The following ENTREP2 variants were observed in gnomAD, a reference collection of about 807,000 sequenced individuals.
The protein encoded by ENTREP2 is protein ENTREP2.
At chr15:29,144,572 A>G in the ENTREP2 span, among the ~76,000 whole-genome samples, 5 of 152,116 alleles carry the variant, frequency 3.3e-5, no homozygotes, top group Admixed American at 6.6e-5. Flanking sequence ...CTACAAAAAA[A>G]TTAAAAAATT....
At chr15:29,559,410 G>A in the ENTREP2 span, among the ~76,000 whole-genome samples, 11 of 152,102 alleles carry the variant, frequency 7.2e-5, no homozygotes, top group Non-Finnish European at 1.2e-4. Context: ...TGTGTCCCCA[G>A]AATGCCTCAG....
At chr15:29,544,812 T>A in the ENTREP2 span, among the ~76,000 whole-genome samples, 1 of 152,108 alleles carries the variant, frequency 6.6e-6, no homozygotes, top group Non-Finnish European at 1.5e-5. Context: ...AGAAGCAATG[T>A]CAAAAGAAAT....
At chr15:29,144,934 T>C in the ENTREP2 span, among the ~76,000 whole-genome samples, 1 of 152,190 alleles carries the variant, frequency 6.6e-6, no homozygotes, top group East Asian at 1.9e-4. Flanking sequence ...CATACATCTG[T>C]AATCCCAGCT....
chr15:29,328,115 G>A, the ENTREP2 span, among the ~76,000 whole-genome samples: 1 of 152,114 alleles, frequency 6.6e-6, no homozygotes, highest in Non-Finnish European at 1.5e-5. Flanking sequence ...AATAAATGAA[G>A]AATCCAGCCA....
At chr15:29,671,428 C>T in the ENTREP2 span, among the ~76,000 whole-genome samples, 1 of 152,146 alleles carries the variant, frequency 6.6e-6, no homozygotes, top group Admixed American at 6.6e-5. Context: ...TTGGGACTGG[C>T]GTCTGCGGTG....
At chr15:29,458,456 G>A in the ENTREP2 span, among the ~76,000 whole-genome samples, 5 of 152,030 alleles carry the variant, frequency 3.3e-5, no homozygotes, top group Non-Finnish European at 5.9e-5. Context: ...GCAGAGCCAC[G>A]GGCACGGTAG....
At chr15:29,447,668 T>TC in the ENTREP2 span, among the ~76,000 whole-genome samples, 1 of 151,364 alleles carries the variant, frequency 6.6e-6, no homozygotes, top group Non-Finnish European at 1.5e-5. Flanking sequence ...TTTTTTTTTT[T>TC]CGTAGAGATG....
the ENTREP2 span, among the ~76,000 whole-genome samples, chr15:29,655,551 G>A: frequency 6.6e-6 from 1 of 152,264 alleles, no homozygotes; most frequent in Non-Finnish European, 1.5e-5. Flanking sequence ...AATCAAGAGA[G>A]CCAGACTTAG....
chr15:29,648,536 G>C, the ENTREP2 span, among the ~76,000 whole-genome samples: 1 of 152,206 alleles, frequency 6.6e-6, no homozygotes, highest in African/African-American at 2.4e-5. Context: ...ACATGAAGTC[G>C]AGTATTTCCA....
chr15:29,165,745 A>G, the ENTREP2 span, among the ~76,000 whole-genome samples: 1 of 152,010 alleles, frequency 6.6e-6, no homozygotes, highest in Non-Finnish European at 1.5e-5. Flanking sequence ...AGACTTTCTA[A>G]GAAGAATTGG....
the ENTREP2 span, chr15:29,374,139 A>G: frequency 6.6e-6 from 1 of 152,182 alleles, no homozygotes; most frequent in Non-Finnish European, 1.5e-5. Flanking sequence ...ATTAAAAAAA[A>G]GAAATCTCAC....
chr15:29,635,251 C>A, the ENTREP2 span, among the ~76,000 whole-genome samples: 1 of 152,150 alleles, frequency 6.6e-6, no homozygotes, highest in Non-Finnish European at 1.5e-5. Flanking sequence ...CCCTCTAATC[C>A]TGCCTAGGTG....
the ENTREP2 span, among the ~76,000 whole-genome samples, chr15:29,468,524 C>T: frequency 4.0e-5 from 6 of 150,900 alleles, no homozygotes; most frequent in Non-Finnish European, 2.9e-5. Context: ...GCAGGCGAAT[C>T]GCTTGAACCC....
chr15:29,306,003 A>G, the ENTREP2 span, among the ~76,000 whole-genome samples: 13 of 152,256 alleles, frequency 8.5e-5, no homozygotes, highest in African/African-American at 2.9e-4. Flanking sequence ...ACTGGAAGCC[A>G]CATGGAGCAT....
At chr15:29,158,423 T>G in the ENTREP2 span, among the ~76,000 whole-genome samples, 25 of 74,916 alleles carry the variant, frequency 3.3e-4, no homozygotes, top group Non-Finnish European at 4.8e-4. Flanking sequence ...TTTTTTTTTT[T>G]GAGATGTAGT....
At chr15:29,440,154 C>A in the ENTREP2 span, among the ~76,000 whole-genome samples, 1 of 152,046 alleles carries the variant, frequency 6.6e-6, no homozygotes, top group African/African-American at 2.4e-5. Flanking sequence ...AAACATGGTA[C>A]CCTGGATAAA....
the ENTREP2 span, chr15:29,612,873 A>C: frequency 6.6e-6 from 1 of 152,390 alleles, no homozygotes; most frequent in Non-Finnish European, 1.5e-5. Flanking sequence ...GCAGGATGGC[A>C]GATAAGAAAA....
the ENTREP2 span, among the ~76,000 whole-genome samples, chr15:29,385,165 C>G: frequency 1.3e-5 from 2 of 152,156 alleles, no homozygotes; most frequent in Non-Finnish European, 2.9e-5. Context: ...ATTAAACTAT[C>G]AAAATTCTAC....
chr15:29,541,663 G>A, the ENTREP2 span, among the ~76,000 whole-genome samples: 2 of 152,158 alleles, frequency 1.3e-5, no homozygotes, highest in African/African-American at 4.8e-5. Context: ...AAGTTTTCTA[G>A]ACAGGGAAGA....
Sources: allele counts gnomAD v4.1 joint callset (sites outside exome capture counted in the v4.1 genomes callset), GRCh38; gene constraint gnomAD v4.1.1; transcripts MANE v1.5; gene names NCBI Gene and HGNC (gene_info 2026-07-23, HGNC 2026-07-21).